The following TMEM117 variants were observed in gnomAD, a reference collection of about 807,000 sequenced individuals.
TMEM117 encodes the protein transmembrane protein 117.
A neutral mutation model predicts 52.4 loss-of-function variants in TMEM117; 27 were observed. That is an observed-to-expected ratio of 0.51 (90% CI 0.38 to 0.71). TMEM117 has a LOEUF of 0.71. Among genes scored for constraint, TMEM117 ranks in the 30% least tolerant of loss-of-function variants. TMEM117 has a pLI of 0.00. For missense variants in TMEM117, 556 were observed against 630.5 expected (o/e 0.88, Z 1.26); for synonymous variants, 215 against 206.3 (o/e 1.04, Z -0.36).
intron 2 of TMEM117, among the ~76,000 whole-genome samples, chr12:43,936,423 G>A (rs1944952720): frequency 6.6e-6 from 1 of 152,102 alleles, no homozygotes; most frequent in Non-Finnish European, 1.5e-5. Flanking sequence ...TTTCCTGGTA[G>A]GATATCTAAG....
the TMEM117 span, among the ~76,000 whole-genome samples, chr12:43,828,025 A>G: frequency 6.6e-6 from 1 of 152,172 alleles, no homozygotes; most frequent in African/African-American, 2.4e-5. Context: ...CTCTTCTAGA[A>G]CCTTCAGAGG....
At chr12:43,814,566 A>G in the TMEM117 span, among the ~76,000 whole-genome samples, 4 of 152,002 alleles carry the variant, frequency 2.6e-5, no homozygotes, top group African/African-American at 9.7e-5. Context: ...ACTGGAAGCC[A>G]ATCTGGTAAA....
chr12:44,394,758 C>T (rs1362508788), downstream of TMEM117, among the ~76,000 whole-genome samples: 1 of 152,146 alleles, frequency 6.6e-6, no homozygotes, highest in African/African-American at 2.4e-5. Flanking sequence ...TTAAAGAAAG[C>T]TGACACATGC....
At chr12:44,095,971 T>C (rs1947753549) in intron 3 of TMEM117, among the ~76,000 whole-genome samples, 1 of 152,142 alleles carries the variant, frequency 6.6e-6, no homozygotes, top group Non-Finnish European at 1.5e-5. Flanking sequence ...GAAAACCCCA[T>C]TGTCTCAGCC....
chr12:43,935,233 G>A (rs989527842), intron 2 of TMEM117, among the ~76,000 whole-genome samples: 2 of 152,136 alleles, frequency 1.3e-5, no homozygotes, highest in South Asian at 2.1e-4. Context: ...CCAGTTTTTA[G>A]TTAGTGAATT....
chr12:44,191,939 AT>A (rs1949360457), intron 4 of TMEM117, among the ~76,000 whole-genome samples: 1 of 152,228 alleles, frequency 6.6e-6, no homozygotes, highest in Non-Finnish European at 1.5e-5. Flanking sequence ...ATATATAGAC[AT>A]TTTGTAAATC....
intron 4 of TMEM117, among the ~76,000 whole-genome samples, chr12:44,144,066 T>C (rs1948608185): frequency 6.6e-6 from 1 of 152,224 alleles, no homozygotes; most frequent in African/African-American, 2.4e-5. Context: ...AAATATTTTT[T>C]TTAGCAATTT....
intron 3 of TMEM117, among the ~76,000 whole-genome samples, chr12:43,954,685 C>T (rs991023305): frequency 6.6e-6 from 1 of 152,092 alleles, no homozygotes; most frequent in African/African-American, 2.4e-5. Flanking sequence ...AGCCCAGGTC[C>T]AGAATTCTAC....
intron 5 of TMEM117, among the ~76,000 whole-genome samples, chr12:44,228,006 C>A (rs1361927314): frequency 7.0e-6 from 1 of 142,288 alleles, no homozygotes. Flanking sequence ...TAGAGAGAGA[C>A]ACAAAACCTG....
At chr12:43,998,331 T>G (rs2137770249) in intron 3 of TMEM117, among the ~76,000 whole-genome samples, 1 of 152,354 alleles carries the variant, frequency 6.6e-6, no homozygotes, top group Non-Finnish European at 1.5e-5. Context: ...GTTAGCATAG[T>G]ATATCTTTAT....
intron 5 of TMEM117, among the ~76,000 whole-genome samples, chr12:44,216,504 C>G (rs190945038): frequency 1.2e-3 from 180 of 152,198 alleles, no homozygotes; most frequent in Non-Finnish European, 2.3e-3. Context: ...CTGATGTTTA[C>G]AAAAAGTCAT....
At chr12:43,912,364 A>G (rs7961078) in intron 2 of TMEM117, among the ~76,000 whole-genome samples, 117,702 of 150,274 alleles carry the variant, frequency 0.78, 48,585 homozygotes, top group Non-Finnish European at 0.9. Flanking sequence ...GGGGAAGGGG[A>G]CAGGGATAGC....
Position 44,285,834 on chromosome 12 carries a change from G to T in TMEM117, c.609-13746G>T, listed in dbSNP as rs191401143. Among the ~76,000 whole-genome samples, 5 of 152,324 alleles carry T rather than the reference G, an allele frequency of 3.3e-5. No individual in the cohort carries two copies. The East Asian group carries it at 9.6e-4, about 29-fold the overall frequency. ...ACTTAGTGTTCACAGGCAACTGAAT[G>T]TTTGAACTGGTTCTTGGTTTTGCAG... On this transcript the variant is annotated intron_variant, in intron 5 of 7. Transcript: ENST00000266534.
chr12:43,798,519 T>C, the TMEM117 span: 3 of 1,480,778 alleles, frequency 2.0e-6, no homozygotes. Context: ...ACAGCATAAA[T>C]GATATTGGTT....
At chr12:44,168,923 A>C (rs1248935475) in intron 4 of TMEM117, among the ~76,000 whole-genome samples, 2 of 152,132 alleles carry the variant, frequency 1.3e-5, no homozygotes, top group African/African-American at 4.8e-5. Flanking sequence ...GAATTTGACT[A>C]CACTAGGCAC....
At chr12:43,810,727 A>G in the TMEM117 span, among the ~76,000 whole-genome samples, 7 of 152,326 alleles carry the variant, frequency 4.6e-5, no homozygotes, top group South Asian at 1.4e-3. Context: ...TCCAGCCTAA[A>G]CTACTCTTTG....
intron 3 of TMEM117, among the ~76,000 whole-genome samples, chr12:44,000,792 G>A (rs1168393317): frequency 6.6e-6 from 1 of 152,172 alleles, no homozygotes; most frequent in African/African-American, 2.4e-5. Context: ...GGTTTTCAGT[G>A]GGGACAGCGT....
chr12:44,136,450 G>C (rs1948491724), intron 3 of TMEM117, among the ~76,000 whole-genome samples: 1 of 152,048 alleles, frequency 6.6e-6, no homozygotes, highest in South Asian at 2.1e-4. Flanking sequence ...TTTAGAATTA[G>C]TTTTGAGGCT....
At chr12:43,941,021 C>T (rs1224090872) in intron 2 of TMEM117, among the ~76,000 whole-genome samples, 1 of 152,166 alleles carries the variant, frequency 6.6e-6, no homozygotes, top group Admixed American at 6.5e-5. Flanking sequence ...CCCTCTCCTT[C>T]ACATATACAG....
Sources: gnomAD v4.1 joint callset for allele counts (sites outside exome capture counted in the v4.1 genomes callset) on GRCh38, gnomAD v4.1.1 for gene constraint, MANE v1.5 for transcripts, NCBI Gene and HGNC (gene_info 2026-07-23, HGNC 2026-07-21) for gene names.